Variants in FANCC observed in about 807,000 individuals in gnomAD.
The protein encoded by FANCC is FA complementation group C, also known as Fanconi anemia group C protein.
FANCC carries 55 observed loss-of-function variants against 71.3 expected under a neutral mutation model. The observed-to-expected ratio is 0.77, with a 90% CI of 0.62 to 0.97. FANCC has a LOEUF of 0.97. Ranked by LOEUF, FANCC falls within the 50% of genes least tolerant of loss-of-function variation. FANCC has a pLI of 0.00. For synonymous variants in FANCC, 275 were observed against 244.9 expected, an observed-to-expected ratio of 1.12 and a Z score of -1.15; for missense variants, 678 against 670.9, an observed-to-expected ratio of 1.01 and a Z score of -0.12.
chr9:95,301,110 A>G (rs1427946068), intron 1 of FANCC, among the ~76,000 whole-genome samples: 5 of 152,002 alleles, frequency 3.3e-5, no homozygotes, highest in African/African-American at 4.8e-5. Context: ...CACACAAAGA[A>G]AAAAAGAGAC....
At chr9:95,267,492 C>A (rs2136199888) in intron 1 of FANCC, among the ~76,000 whole-genome samples, 1 of 152,306 alleles carries the variant, frequency 6.6e-6, no homozygotes, top group South Asian at 2.1e-4. Context: ...CGAAAAATGA[C>A]TGAATGAGTG....
chr9:95,153,398 C>T (rs1287189056), intron 6 of FANCC, among the ~76,000 whole-genome samples: 1 of 151,738 alleles, frequency 6.6e-6, no homozygotes, highest in Middle Eastern at 3.2e-3. Flanking sequence ...AATAGATCTA[C>T]TTTTAGCTTT....
intron 3 of FANCC, among the ~76,000 whole-genome samples, chr9:95,244,496 G>A (rs1413223957): frequency 6.6e-6 from 1 of 151,846 alleles, no homozygotes; most frequent in African/African-American, 2.4e-5. Flanking sequence ...TGGCTAACAC[G>A]GTGAAACCCC....
intron 7 of FANCC, among the ~76,000 whole-genome samples, chr9:95,148,214 A>C (rs1237085867): frequency 1.3e-5 from 2 of 152,250 alleles, no homozygotes; most frequent in African/African-American, 4.8e-5. Flanking sequence ...TTTAAAAAAG[A>C]ATTCTGTACG....
chr9:95,158,963 A>C (rs1004555190), intron 6 of FANCC, among the ~76,000 whole-genome samples: 1 of 152,248 alleles, frequency 6.6e-6, no homozygotes, highest in Non-Finnish European at 1.5e-5. Flanking sequence ...CAATGAACTA[A>C]GGACACGGAT....
At position 95,247,480 on chromosome 9, in the gene FANCC, C is replaced by G. The variant is rs777111154; in HGVS notation, c.202G>C (p.Gly68Arg). 7 of 1,613,560 alleles carry G rather than the reference C, an allele frequency of 4.3e-6. No individual in the cohort carries two copies. In the African/African-American group the frequency reaches 9.4e-5, roughly 22 times the overall value. Residue 68 changes from glycine to arginine, a missense_variant, in exon 3 of 15, where the codon GGT becomes CGT. By Grantham distance (125) the Gly-to-Arg change is moderately radical. Coordinates refer to ENST00000289081, the MANE Select transcript of FANCC (RefSeq NM_000136.3). ...NTVIERFPTI[G>R]QLLAKACWNP... The stretch of plus-strand genomic sequence containing the variant: ...CAACAAGCTTTTGCCAACAGTTGAC[C>G]AATTGTGGGGAATCTTTCAATGACT...
intron 1 of FANCC, chr9:95,292,421 A>G (rs1156713282): frequency 9.1e-7 from 1 of 1,098,816 alleles, no homozygotes; most frequent in Non-Finnish European, 1.1e-6. Flanking sequence ...CCACGAGAGG[A>G]GCCTCCGCCG....
intron 4 of FANCC, among the ~76,000 whole-genome samples, chr9:95,238,989 C>T (rs1178034342): frequency 6.6e-6 from 1 of 152,196 alleles, no homozygotes; most frequent in Non-Finnish European, 1.5e-5. Context: ...TCCACAAAAC[C>T]CCAAGTTCCA....
At chr9:95,121,405 G>T (rs1368261975) in intron 10 of FANCC, among the ~76,000 whole-genome samples, 4 of 152,200 alleles carry the variant, frequency 2.6e-5, no homozygotes, top group African/African-American at 9.7e-5. Context: ...GTGGATTTAT[G>T]GGATCACTCA....
intron 1 of FANCC, among the ~76,000 whole-genome samples, chr9:95,316,353 G>A (rs1283535152): frequency 6.6e-6 from 1 of 152,162 alleles, no homozygotes; most frequent in Non-Finnish European, 1.5e-5. Context: ...CAATGAACAT[G>A]TTTTCCATCT....
At chr9:95,296,281 T>C (rs1834367985) in intron 1 of FANCC, among the ~76,000 whole-genome samples, 3 of 152,156 alleles carry the variant, frequency 2.0e-5, no homozygotes, top group Non-Finnish European at 4.4e-5. Context: ...GACACACTAA[T>C]TAAATGTAAC....
chr9:95,179,986 C>G (rs909254560), intron 4 of FANCC, among the ~76,000 whole-genome samples: 3 of 152,206 alleles, frequency 2.0e-5, no homozygotes, highest in Non-Finnish European at 4.4e-5. Flanking sequence ...AAGTGGATGT[C>G]AGAAGCATGA....
At chr9:95,249,081 T>G in intron 2 of FANCC, 46 bp downstream of exon 2, 1 of 1,599,054 alleles carries the variant, frequency 6.3e-7, no homozygotes, top group South Asian at 1.1e-5. Flanking sequence ...TCTGGTAGAG[T>G]CCCTGAAGTC....
chr9:95,143,593 T>A (rs1239328045), intron 7 of FANCC, among the ~76,000 whole-genome samples: 1 of 152,224 alleles, frequency 6.6e-6, no homozygotes, highest in African/African-American at 2.4e-5. Flanking sequence ...TCTTATTATA[T>A]CACGAGATCA....
intron 1 of FANCC, among the ~76,000 whole-genome samples, chr9:95,291,965 AAAATATATAT>A (rs1834037954): frequency 2.4e-5 from 2 of 84,936 alleles, no homozygotes; most frequent in Non-Finnish European, 4.8e-5. Flanking sequence ...AAAAAAAAAA[AAAATATATAT>A]ATATATATAT....
At chr9:95,252,288 AAAAAAAGAAAAAAAAAAG>A (rs1831389104) in intron 1 of FANCC, among the ~76,000 whole-genome samples, 1 of 149,474 alleles carries the variant, frequency 6.7e-6, no homozygotes, top group South Asian at 2.1e-4. Flanking sequence ...AAAAAAAAAA[AAAAAAAGAAAAAAAAAAG>A]AAACAAAGAA....
At position 95,208,563 on chromosome 9, in the gene FANCC, G is replaced by A. The variant is rs559591905; in HGVS notation, c.345+32086C>T. Among the ~76,000 whole-genome samples, 5 of 152,088 alleles carry A rather than the reference G, an allele frequency of 3.3e-5. No homozygotes were observed. In the East Asian group the frequency reaches 9.6e-4, roughly 29 times the overall value. Reference sequence around the variant, plus strand: ...AAACTTAACTAGAAGAAAACTACTTGATTAAAAAATGCACCAAAGACTGTA... The same window carrying A: ...AAACTTAACTAGAAGAAAACTACTTAATTAAAAAATGCACCAAAGACTGTA... On this transcript the variant is annotated intron_variant, in intron 4 of 14. Transcript: ENST00000289081.
intron 6 of FANCC, among the ~76,000 whole-genome samples, chr9:95,156,796 A>C (rs1057300499): frequency 3.3e-5 from 5 of 152,200 alleles, no homozygotes; most frequent in Non-Finnish European, 7.3e-5. Context: ...AACCTTTGCA[A>C]AACAGCTGTC....
chr9:95,252,305 AG>A lies in FANCC; in HGVS notation c.-78-2937del, dbSNP rs1327005052. On this transcript the variant is annotated intron_variant, in intron 1 of 14. Transcript: ENST00000289081. ...AAAAAAAAAAAAAAAGAAAAAAAAA[AG>A]AAACAAAGAAACTGAAGAAACTAAC... Among the ~76,000 whole-genome samples the A allele has an allele frequency of 1.5e-4, 22 of 151,202 alleles. 1 individual carries two copies. In the East Asian group the frequency reaches 2.9e-3, roughly 20 times the overall value.
Sources: allele counts gnomAD v4.1 joint callset (sites outside exome capture counted in the v4.1 genomes callset), GRCh38; gene constraint gnomAD v4.1.1; transcripts MANE v1.5; gene names NCBI Gene and HGNC (gene_info 2026-07-23, HGNC 2026-07-21).